Variants in STARD10 observed in about 807,000 individuals in gnomAD.
STARD10 encodes START domain-containing protein 10.
Under a neutral mutation model 36.0 loss-of-function variants are expected in STARD10, and 24 were observed. The ratio of observed to expected loss-of-function variants is 0.67; its 90% CI spans 0.48 to 0.94. The LOEUF (loss-of-function observed/expected upper bound fraction) is 0.94, where lower values mean the gene tolerates loss of function less well. Among genes scored for constraint, STARD10 ranks in the 40% least tolerant of loss-of-function variants. The pLI is 0.00. For synonymous variants in STARD10, 156 were observed against 161.9 expected (o/e 0.96, Z 0.28); for missense variants, 335 against 396.6 (o/e 0.84, Z 1.32).
At chr11:72,774,818 C>T (rs748975957) in intron 2 of STARD10, among the ~76,000 whole-genome samples, 1 of 152,252 alleles carries the variant, frequency 6.6e-6, no homozygotes, top group Non-Finnish European at 1.5e-5. Context: ...GCATCCACAG[C>T]CCTGGCTCCA....
rs1279315963 is a variant in STARD10, at chr11:72,773,523, AAC to A, written c.207+7450_207+7451del. On this transcript the variant is annotated intron_variant, in intron 2 of 6. Transcript: ENST00000334805. Reference sequence around the variant, plus strand: ...CACACAGAGTAACGCCAGACACAGAAACACACACAGAGTCTCACTCACAGGCA... The same window carrying A: ...CACACAGAGTAACGCCAGACACAGAAACACACAGAGTCTCACTCACAGGCA... Among the ~76,000 whole-genome samples the A allele has an allele frequency of 1.3e-5, 2 of 152,222 alleles. 1 individual carries two copies. Among genetic ancestry groups the A allele is most frequent in the Admixed American group, 1.3e-4 (2 of 15,290 alleles).
chr11:72,780,332 C>A (rs1267396335), intron 2 of STARD10: 1 of 402,426 alleles, frequency 2.5e-6, no homozygotes, highest in Admixed American at 2.8e-5. Flanking sequence ...TGTTGGCTTC[C>A]CTTGACCCCA....
At chr11:72,763,868 G>A (rs1480158371) in intron 2 of STARD10, among the ~76,000 whole-genome samples, 6 of 152,168 alleles carry the variant, frequency 3.9e-5, no homozygotes, top group Non-Finnish European at 7.3e-5. Flanking sequence ...AACCTAGCTG[G>A]TGGTCGCTGT....
chr11:72,761,917 C>CTTTTTTTTTTTT (rs1189000490), intron 2 of STARD10, among the ~76,000 whole-genome samples: 7 of 37,478 alleles, frequency 1.9e-4, no homozygotes, highest in East Asian at 7.6e-4. Flanking sequence ...CTTTTCTTTT[C>CTTTTTTTTTTTT]TTTTTTTTTT....
chr11:72,768,991 G>A (rs2135617203), intron 2 of STARD10, among the ~76,000 whole-genome samples: 1 of 152,346 alleles, frequency 6.6e-6, no homozygotes, highest in East Asian at 1.9e-4. Context: ...TAATTCAGAA[G>A]GAGGTGCAGC....
At chr11:72,782,097 G>A (rs1038314614) in intron 1 of STARD10, among the ~76,000 whole-genome samples, 4 of 152,042 alleles carry the variant, frequency 2.6e-5, no homozygotes, top group Non-Finnish European at 4.4e-5. Context: ...AGTTAACGGT[G>A]AACCCCTTCT....
intron 1 of STARD10, among the ~76,000 whole-genome samples, chr11:72,783,368 T>G (rs1226054488): frequency 1.3e-5 from 2 of 152,086 alleles, no homozygotes; most frequent in Non-Finnish European, 2.9e-5. Context: ...AGTCAGATAA[T>G]CACCCCATCC....
At chr11:72,778,131 C>T (rs1325646476) in intron 2 of STARD10, among the ~76,000 whole-genome samples, 8 of 152,236 alleles carry the variant, frequency 5.3e-5, no homozygotes, top group Non-Finnish European at 7.3e-5. Flanking sequence ...AACAACGCGT[C>T]CTCCAGGCCT....
chr11:72,764,906 T>G (rs1169207877), intron 2 of STARD10, among the ~76,000 whole-genome samples: 1 of 152,206 alleles, frequency 6.6e-6, no homozygotes, highest in Non-Finnish European at 1.5e-5. Flanking sequence ...CAAGGAGCCA[T>G]GCTGGGCTTG....
In STARD10 at chr11:72,759,279, CAA is replaced by C; in HGVS notation, c.308_309del (p.Phe103Ter). On this transcript the variant is annotated frameshift_variant, in exon 3 of 7. Transcript: ENST00000334805. LOFTEE classifies it high-confidence loss of function. ...GCGTTGACTGTCAAGCGGGCGATGT[CAA>C]AAGTCTCAATGACGTTGCTGTCCCA... ...KKWDSNVIETFDIARLTVNAD... is the reference protein window; with the variant it reads ...KKWDSNVIETXDIARLTVNAD... 6.2e-7 allele frequency: 1 copy of C among 1,614,114 alleles called. No homozygotes were observed. Among genetic ancestry groups the C allele is most frequent in the Non-Finnish European group, 8.5e-7 (1 of 1,180,026 alleles).
In STARD10 at chr11:72,777,696, T is replaced by C. The variant is rs1250541289; in HGVS notation, c.207+3279A>G. Among the ~76,000 whole-genome samples, 7 of 151,822 alleles carry C rather than the reference T, an allele frequency of 4.6e-5. No individual in the cohort carries two copies. The East Asian group carries it at 1.4e-3, about 29-fold the overall frequency. ...TGGAGGCCAGGAGGGAGGGAAGGGG[T>C]GGAGGTGGCCTCCAACAGCCCCTTT... On this transcript the variant is annotated intron_variant, in intron 2 of 6. Coordinates refer to ENST00000334805, the MANE Select transcript of STARD10 (RefSeq NM_006645.3).
At chr11:72,772,023 T>C (rs980233472) in intron 2 of STARD10, among the ~76,000 whole-genome samples, 2 of 152,102 alleles carry the variant, frequency 1.3e-5, no homozygotes, top group African/African-American at 4.8e-5. Flanking sequence ...TCCAGTAAAG[T>C]TCCAGGCTTC....
At chr11:72,775,479 T>C (rs1051638763) in intron 2 of STARD10, among the ~76,000 whole-genome samples, 7 of 152,130 alleles carry the variant, frequency 4.6e-5, no homozygotes, top group African/African-American at 1.7e-4. Flanking sequence ...CCAAATGTAC[T>C]ACCCTGTGAT....
intron 1 of STARD10, among the ~76,000 whole-genome samples, chr11:72,789,543 C>T (rs1041257990): frequency 3.9e-5 from 6 of 152,212 alleles, no homozygotes; most frequent in Admixed American, 3.3e-4. Flanking sequence ...ACAGCCCCTC[C>T]TCAATGTCTG....
intron 2 of STARD10, among the ~76,000 whole-genome samples, chr11:72,759,727 C>T (rs1473896130): frequency 6.6e-6 from 1 of 152,184 alleles, no homozygotes; most frequent in East Asian, 1.9e-4. Context: ...TGGGCAGAGG[C>T]TCATGGTTGC....
chr11:72,775,976 T>C (rs543708701), intron 2 of STARD10, among the ~76,000 whole-genome samples: 1 of 152,310 alleles, frequency 6.6e-6, no homozygotes, highest in East Asian at 1.9e-4. Flanking sequence ...CAGCCACCTC[T>C]GATCTTTCCC....
chr11:72,759,118 T>C, intron 3 of STARD10, 116 bp downstream of exon 3: 1 of 1,305,770 alleles, frequency 7.7e-7, no homozygotes, highest in Non-Finnish European at 1.1e-6. Flanking sequence ...AGCACTCAAG[T>C]CTCCGAGCAG....
intron 1 of STARD10, chr11:72,786,098 T>C (rs180700247): frequency 6.6e-6 from 1 of 152,460 alleles, no homozygotes; most frequent in East Asian, 1.9e-4. Flanking sequence ...ACACCTGTAA[T>C]CCCAGCACTT....
intron 2 of STARD10, among the ~76,000 whole-genome samples, chr11:72,765,078 A>C (rs1403934770): frequency 6.6e-6 from 1 of 152,180 alleles, no homozygotes; most frequent in Non-Finnish European, 1.5e-5. Context: ...GACCAGCCTG[A>C]CTAACATGAA....
Sources: allele counts gnomAD v4.1 joint callset (sites outside exome capture counted in the v4.1 genomes callset), GRCh38; gene constraint gnomAD v4.1.1; transcripts MANE v1.5; gene names NCBI Gene and HGNC (gene_info 2026-07-23, HGNC 2026-07-21).